ABCA13: variants seen among roughly 807,000 people sequenced by gnomAD.
ABCA13 encodes the protein ATP-binding cassette sub-family A member 13.
In ABCA13, 476 loss-of-function variants were observed where a neutral mutation model predicts 478.7. The ratio of observed to expected loss-of-function variants is 0.99; its 90% CI spans 0.92 to 1.07. ABCA13 has a LOEUF of 1.07. Ranked by LOEUF, ABCA13 falls within the 50% of genes least tolerant of loss-of-function variation. The pLI is 0.00. For synonymous variants in ABCA13, 2,252 were observed against 2,158.9 expected (o/e 1.04, Z -1.20); for missense variants, 6,060 against 5,910.6 (o/e 1.03, Z -0.83).
intron 39 of ABCA13, among the ~76,000 whole-genome samples, chr7:48,407,390 C>A (rs1314145292): frequency 6.6e-6 from 1 of 150,932 alleles, no homozygotes; most frequent in Non-Finnish European, 1.5e-5. Context: ...ACATGAGAAT[C>A]ACTTGAACCC....
intron 42 of ABCA13, among the ~76,000 whole-genome samples, chr7:48,440,028 C>T (rs569337285): frequency 1.1e-4 from 17 of 152,232 alleles, no homozygotes; most frequent in African/African-American, 4.1e-4. Context: ...ATTTATTAGC[C>T]ATTTGCATTT....
chr7:48,177,102 T>C (rs910904818), intron 1 of ABCA13, among the ~76,000 whole-genome samples: 1 of 152,196 alleles, frequency 6.6e-6, no homozygotes, highest in African/African-American at 2.4e-5. Flanking sequence ...TTTTCTGAAA[T>C]TGAAAAAAAA....
intron 41 of ABCA13, 102 bp downstream of exon 41, chr7:48,412,685 G>A (rs1371831805): frequency 4.0e-6 from 3 of 749,586 alleles, no homozygotes; most frequent in South Asian, 3.5e-5. Context: ...TGGGTAAGGG[G>A]GAGGAGTGTG....
At chr7:48,570,260 G>A (rs1202059310) in intron 55 of ABCA13, among the ~76,000 whole-genome samples, 1 of 148,984 alleles carries the variant, frequency 6.7e-6, no homozygotes, top group East Asian at 2.0e-4. Flanking sequence ...TTATATATTA[G>A]TAGAGTCACC....
chr7:48,429,383 C>G (rs1377259877), intron 42 of ABCA13, among the ~76,000 whole-genome samples: 1 of 152,208 alleles, frequency 6.6e-6, no homozygotes, highest in African/African-American at 2.4e-5. Flanking sequence ...TACATTCCCA[C>G]CAGTAGTATA....
intron 3 of ABCA13, among the ~76,000 whole-genome samples, chr7:48,205,437 C>T (rs1384438863): frequency 6.6e-6 from 1 of 152,174 alleles, no homozygotes; most frequent in Non-Finnish European, 1.5e-5. Flanking sequence ...GGTGCATCTG[C>T]GTCTGGCTTC....
At chr7:48,368,212 C>T (rs1467388124) in intron 32 of ABCA13, among the ~76,000 whole-genome samples, 1 of 152,178 alleles carries the variant, frequency 6.6e-6, no homozygotes, top group Non-Finnish European at 1.5e-5. Flanking sequence ...AACATAGCAG[C>T]AGACTTCCCA....
At chr7:48,419,433 G>T (rs1820445001) in intron 41 of ABCA13, among the ~76,000 whole-genome samples, 1 of 152,022 alleles carries the variant, frequency 6.6e-6, no homozygotes, top group African/African-American at 2.4e-5. Flanking sequence ...AATTCCTACA[G>T]TAAAATTCAC....
chr7:48,186,505 T>A (rs1042340749), intron 1 of ABCA13, among the ~76,000 whole-genome samples: 1 of 152,116 alleles, frequency 6.6e-6, no homozygotes, highest in East Asian at 1.9e-4. Context: ...TACCATGTCT[T>A]AGTGTAGATT....
chr7:48,405,619 G>A, intron 39 of ABCA13, among the ~76,000 whole-genome samples: 1 of 152,218 alleles, frequency 6.6e-6, no homozygotes, highest in East Asian at 1.9e-4. Context: ...CATTGTCTCT[G>A]CACCTGTGAA....
intron 1 of ABCA13, among the ~76,000 whole-genome samples, chr7:48,179,105 T>C (rs1464106004): frequency 1.3e-5 from 2 of 151,890 alleles, no homozygotes; most frequent in Non-Finnish European, 2.9e-5. Context: ...AGTTCCCTGG[T>C]AGAGTTATTT....
At chr7:48,199,769 T>A (rs1176521808) in intron 3 of ABCA13, among the ~76,000 whole-genome samples, 1 of 152,214 alleles carries the variant, frequency 6.6e-6, no homozygotes, top group African/African-American at 2.4e-5. Flanking sequence ...GCTTGAGACT[T>A]AGCAGTGTCT....
intron 10 of ABCA13, chr7:48,243,101 G>T (rs1791104644): frequency 6.6e-6 from 1 of 152,314 alleles, no homozygotes; most frequent in African/African-American, 2.4e-5. Context: ...ACTCACAGAG[G>T]TGCCTCTGCG....
chr7:48,195,538 G>A (rs1205285427), intron 2 of ABCA13, among the ~76,000 whole-genome samples: 6 of 152,154 alleles, frequency 3.9e-5, no homozygotes, highest in African/African-American at 1.4e-4. Context: ...AGTGGAGAGT[G>A]CACTCCCACT....
At chr7:48,305,705 A>C (rs1314332974) in intron 23 of ABCA13, among the ~76,000 whole-genome samples, 1 of 152,200 alleles carries the variant, frequency 6.6e-6, no homozygotes, top group African/African-American at 2.4e-5. Context: ...TCCAATAAAC[A>C]AAGCTCTTGC....
In ABCA13 at chr7:48,468,374, A is replaced by T. The variant is rs1274534120; in HGVS notation, c.12905+1329A>T. Among the ~76,000 whole-genome samples the T allele has an allele frequency of 3.3e-5, 5 of 152,100 alleles. No homozygotes were observed. In the East Asian group the frequency reaches 9.7e-4, roughly 29 times the overall value. On this transcript the variant is annotated intron_variant, in intron 44 of 61. Coordinates refer to ENST00000435803, the MANE Select transcript of ABCA13 (RefSeq NM_152701.5). Reference sequence around the variant, plus strand: ...TTTCTCCTCTGTCCGTTCTTCTTCTACCTTCCTGGATTTATGTTTTTGTGT... The same window carrying T: ...TTTCTCCTCTGTCCGTTCTTCTTCTTCCTTCCTGGATTTATGTTTTTGTGT...
intron 38 of ABCA13, among the ~76,000 whole-genome samples, chr7:48,393,280 A>G (rs1438692589): frequency 1.3e-5 from 2 of 152,192 alleles, no homozygotes; most frequent in Non-Finnish European, 2.9e-5. Context: ...TTAAGTGTGC[A>G]GGCCGTCTGT....
At chr7:48,380,876 G>A (rs1225093381) in intron 35 of ABCA13, among the ~76,000 whole-genome samples, 1 of 152,074 alleles carries the variant, frequency 6.6e-6, no homozygotes, top group East Asian at 1.9e-4. Context: ...CCTACCACCT[G>A]CTGTACGGGG....
At position 48,229,134 on chromosome 7, in the gene ABCA13, T is replaced by C. The variant is rs116868170; in HGVS notation, c.633-691T>C. ...ATCTGTTTGGAAGCACAGCTTATGA[T>C]TGTGTTGGTCTCATGTTGCTAAAAT... On this transcript the variant is annotated intron_variant, in intron 6 of 61. Transcript: ENST00000435803. Among the ~76,000 whole-genome samples the C allele has an allele frequency of 4.5e-3, 693 of 152,320 alleles. 3 individuals carry two copies. Among genetic ancestry groups the C allele is most frequent in the Admixed American group, 7.3e-3 (111 of 15,300 alleles).
Sources: allele counts gnomAD v4.1 joint callset (sites outside exome capture counted in the v4.1 genomes callset), GRCh38; gene constraint gnomAD v4.1.1; transcripts MANE v1.5; gene names NCBI Gene and HGNC (gene_info 2026-07-23, HGNC 2026-07-21).